Variants in LRRC69 observed in about 807,000 individuals in gnomAD.
LRRC69 encodes leucine-rich repeat-containing protein 69.
LRRC69 carries 42 observed loss-of-function variants against 37.8 expected under a neutral mutation model. That is an observed-to-expected ratio of 1.11 (90% CI 0.87 to 1.44). LRRC69 has a LOEUF of 1.44. Among genes scored for constraint, LRRC69 ranks in the 40% most tolerant of loss-of-function variants. The pLI is 0.00. For missense variants in LRRC69, 357 were observed against 401.9 expected (o/e 0.89, Z 0.96); for synonymous variants, 141 against 143.1 (o/e 0.99, Z 0.11).
At chr8:91,127,808 G>A (rs1381811172) in intron 3 of LRRC69, among the ~76,000 whole-genome samples, 1 of 151,854 alleles carries the variant, frequency 6.6e-6, no homozygotes, top group African/African-American at 2.4e-5. Context: ...AGCAGAAACA[G>A]ATGTGTCACA....
At chr8:91,167,398 C>T (rs1012895170) in intron 5 of LRRC69, among the ~76,000 whole-genome samples, 1 of 151,444 alleles carries the variant, frequency 6.6e-6, no homozygotes, top group Non-Finnish European at 1.5e-5. Context: ...GGGAAAGACC[C>T]GCCCCTATGA....
Position 91,163,386 on chromosome 8 carries a change from C to G in LRRC69, c.652-26136C>G, listed in dbSNP as rs1311564044. Among the ~76,000 whole-genome samples the G allele has an allele frequency of 2.0e-5, 3 of 151,328 alleles. No homozygotes were observed. In the Admixed American group the frequency reaches 2.0e-4, roughly 10 times the overall value. On this transcript the variant is annotated intron_variant, in intron 5 of 7. Transcript: ENST00000448384. ...AGAGCAGTCCTTGGCAAATAATAAG[C>G]ATACATAATAAGCAACAATACACAT... is the stretch of plus-strand genomic sequence containing the variant.
At chr8:91,195,152 T>C (rs1180626112) in intron 6 of LRRC69, among the ~76,000 whole-genome samples, 4 of 152,126 alleles carry the variant, frequency 2.6e-5, no homozygotes, top group African/African-American at 7.2e-5. Context: ...AGTTGAGCGG[T>C]TTTGAGTGAG....
intron 5 of LRRC69, among the ~76,000 whole-genome samples, chr8:91,168,346 G>T (rs969472305): frequency 6.6e-6 from 1 of 151,230 alleles, no homozygotes; most frequent in African/African-American, 2.4e-5. Flanking sequence ...GGTGCTGTTG[G>T]GTAGCTGCTG....
intron 5 of LRRC69, among the ~76,000 whole-genome samples, chr8:91,184,849 G>A (rs1168122809): frequency 2.0e-5 from 3 of 152,270 alleles, no homozygotes; most frequent in Admixed American, 2.0e-4. Context: ...AGAGAGAAGT[G>A]GAGAAAGAGT....
At chr8:91,197,422 G>A (rs1315865533) in intron 6 of LRRC69, among the ~76,000 whole-genome samples, 2 of 152,162 alleles carry the variant, frequency 1.3e-5, no homozygotes, top group Admixed American at 1.3e-4. Flanking sequence ...CTGGCCAATG[G>A]CGGGCGCCCC....
chr8:91,206,749 A>G (rs1444336579), intron 7 of LRRC69: 89 of 1,289,670 alleles, frequency 6.9e-5, no homozygotes, highest in Non-Finnish European at 8.7e-5. Flanking sequence ...CTGAGTGTGC[A>G]TCTGGTGCTC....
chr8:91,153,121 G>A (rs10097841), intron 5 of LRRC69, among the ~76,000 whole-genome samples: 4,922 of 151,150 alleles, frequency 0.033, 251 homozygotes, highest in African/African-American at 0.11. Context: ...AATCAAAAAA[G>A]AAAAGGGCAG....
chr8:91,107,402 G>T (rs935308265), intron 1 of LRRC69, among the ~76,000 whole-genome samples: 1 of 151,920 alleles, frequency 6.6e-6, no homozygotes, highest in African/African-American at 2.4e-5. Context: ...CTCCCAAAGT[G>T]CTGGGATTAC....
chr8:91,119,949 C>T (rs907794281), intron 1 of LRRC69, among the ~76,000 whole-genome samples: 12 of 151,850 alleles, frequency 7.9e-5, no homozygotes, highest in Non-Finnish European at 1.5e-4. Flanking sequence ...TGTGAGTGTC[C>T]CCATATTTAA....
Position 91,133,224 on chromosome 8 carries a change from A to G in LRRC69, c.498A>G (p.Ile166Met), listed in dbSNP as rs1275970845. ...TTCAACTTAACTACAATCAGCTGAT[A>G]TGCATACCTGAAGAGATTAAATTCT... Residue 166 changes from isoleucine to methionine, a missense_variant, in exon 4 of 8, where the codon ATA (isoleucine) becomes ATG (methionine). Ile to Met is a conservative substitution (Grantham distance 10). Transcript: ENST00000448384. 14 of 1,541,672 alleles carry G rather than the reference A, an allele frequency of 9.1e-6. No individual in the cohort carries two copies. The highest frequency in any genetic ancestry group is 4.1e-5 in the Admixed American group (2 of 48,412).
intron 7 of LRRC69, among the ~76,000 whole-genome samples, chr8:91,208,854 T>C (rs552208720): frequency 6.6e-6 from 1 of 152,300 alleles, no homozygotes; most frequent in South Asian, 2.1e-4. Flanking sequence ...TTCCCATTGG[T>C]CATGCTTCTT....
At chr8:91,151,554 T>C (rs1304675163) in intron 5 of LRRC69, among the ~76,000 whole-genome samples, 3 of 151,602 alleles carry the variant, frequency 2.0e-5, no homozygotes, top group South Asian at 2.1e-4. Context: ...TGATGGGCAT[T>C]TGGGTTTGTT....
chr8:91,156,177 GTTTTC>G (rs1808831564), intron 5 of LRRC69, among the ~76,000 whole-genome samples: 1 of 150,780 alleles, frequency 6.6e-6, no homozygotes, highest in Non-Finnish European at 1.5e-5. Context: ...CAGTGTATGA[GTTTTC>G]TTTGTGTTCT....
At chr8:91,139,771 C>A (rs144179141) in intron 5 of LRRC69, among the ~76,000 whole-genome samples, 53 of 151,816 alleles carry the variant, frequency 3.5e-4, no homozygotes, top group Non-Finnish European at 7.1e-4. Flanking sequence ...TATTTAATTT[C>A]CCAGTATGAT....
At chr8:91,192,349 G>T (rs1809513084) in intron 6 of LRRC69, among the ~76,000 whole-genome samples, 1 of 151,982 alleles carries the variant, frequency 6.6e-6, no homozygotes, top group African/African-American at 2.4e-5. Context: ...ATAGTCCTTT[G>T]GGTACATACT....
intron 5 of LRRC69, chr8:91,157,163 G>A (rs1808850136): frequency 1.4e-6 from 1 of 731,748 alleles, no homozygotes; most frequent in African/African-American, 1.8e-5. Flanking sequence ...AGTGTCATTG[G>A]TATTTTGATA....
chr8:91,147,735 C>T (rs1808647851), intron 5 of LRRC69, among the ~76,000 whole-genome samples: 1 of 151,718 alleles, frequency 6.6e-6, no homozygotes, highest in Non-Finnish European at 1.5e-5. Flanking sequence ...TTCTGGGGTA[C>T]ATGTGCAGAA....
intron 5 of LRRC69, among the ~76,000 whole-genome samples, chr8:91,182,073 G>A (rs1809334661): frequency 6.6e-6 from 1 of 152,134 alleles, no homozygotes; most frequent in Non-Finnish European, 1.5e-5. Flanking sequence ...ACATTTAAAT[G>A]AAGAAAGGGT....
Sources: gnomAD v4.1 joint callset for allele counts (sites outside exome capture counted in the v4.1 genomes callset) on GRCh38, gnomAD v4.1.1 for gene constraint, MANE v1.5 for transcripts, NCBI Gene and HGNC (gene_info 2026-07-23, HGNC 2026-07-21) for gene names.